TTLL11: variants seen among roughly 807,000 people sequenced by gnomAD.
The protein encoded by TTLL11 is tubulin tyrosine ligase like 11.
A neutral mutation model predicts 51.7 loss-of-function variants in TTLL11; 42 were observed. The ratio of observed to expected loss-of-function variants is 0.81; its 90% CI spans 0.64 to 1.05. The LOEUF (loss-of-function observed/expected upper bound fraction) is 1.05, where lower values mean the gene tolerates loss of function less well. Ranked by LOEUF, TTLL11 falls within the 50% of genes least tolerant of loss-of-function variation. The pLI is 0.00. For synonymous variants in TTLL11, 381 were observed against 383.5 expected (o/e 0.99, Z 0.08); for missense variants, 799 against 940.4 (o/e 0.85, Z 1.97).
intron 6 of TTLL11, among the ~76,000 whole-genome samples, chr9:121,915,658 GA>G (rs1840293757): frequency 1.3e-5 from 2 of 151,898 alleles, no homozygotes; most frequent in Admixed American, 1.3e-4. Flanking sequence ...GTGTGTAAAA[GA>G]ACAAAAAAAT....
chr9:121,935,118 C>CTTT (rs1323468214), intron 6 of TTLL11, among the ~76,000 whole-genome samples: 1 of 131,384 alleles, frequency 7.6e-6, no homozygotes, highest in African/African-American at 3.1e-5. Context: ...CCATGCCCGG[C>CTTT]TATTTTTTTT....
At chr9:122,085,191 C>A (rs1413185623) in intron 1 of TTLL11, among the ~76,000 whole-genome samples, 2 of 152,084 alleles carry the variant, frequency 1.3e-5, no homozygotes, top group Non-Finnish European at 2.9e-5. Flanking sequence ...ACCCAGGAGG[C>A]AGAGGTTGCA....
chr9:121,928,352 T>A (rs1228595576), intron 6 of TTLL11, among the ~76,000 whole-genome samples: 1 of 152,158 alleles, frequency 6.6e-6, no homozygotes, highest in Non-Finnish European at 1.5e-5. Context: ...CACATAACCA[T>A]GAAACCATCA....
chr9:121,888,329 G>A (rs1381957576), intron 6 of TTLL11, among the ~76,000 whole-genome samples: 1 of 152,202 alleles, frequency 6.6e-6, no homozygotes, highest in Non-Finnish European at 1.5e-5. Flanking sequence ...CAAGTTCAAG[G>A]TCCTCATTCT....
At chr9:121,945,454 C>A (rs925270218) in intron 6 of TTLL11, among the ~76,000 whole-genome samples, 5 of 152,174 alleles carry the variant, frequency 3.3e-5, no homozygotes, top group African/African-American at 1.2e-4. Flanking sequence ...GTTCAAGGAG[C>A]CGACCACAAT....
At chr9:122,008,644 C>CA (rs994569765) in intron 3 of TTLL11, among the ~76,000 whole-genome samples, 1 of 152,046 alleles carries the variant, frequency 6.6e-6, no homozygotes, top group African/African-American at 2.4e-5. Flanking sequence ...TTATGGAAAA[C>CA]AAAAAAACTA....
chr9:121,843,913 A>G (rs1837434843), intron 8 of TTLL11, among the ~76,000 whole-genome samples: 1 of 152,096 alleles, frequency 6.6e-6, no homozygotes, highest in South Asian at 2.1e-4. Context: ...AACTCACATG[A>G]TCTTCCTGCC....
Position 121,989,375 on chromosome 9 carries a change from G to C in TTLL11, c.1089C>G (p.Gly363=), listed in dbSNP as rs1240612016. ...NFIHSDSAST[G]SKRTFSSILC... ...GGATGCTGGAAAAAGTCCTTTTGCT[G>C]CCAGTGCTAGCACTGTCCGAGTGGA... Residue 363 remains glycine, a synonymous_variant, in exon 4 of 9, where the codon GGC becomes GGG. Coordinates refer to ENST00000321582, the MANE Select transcript of TTLL11 (RefSeq NM_001139442.2). This position sits in a 1 kb window ranked among gnomAD's most constrained non-coding sequence, Gnocchi z 4.2. 1 of 1,614,182 alleles carries C rather than the reference G, an allele frequency of 6.2e-7. No individual in the cohort carries two copies. The highest frequency in any genetic ancestry group is 1.7e-5 in the Admixed American group (1 of 60,024).
At chr9:121,894,739 G>C (rs2131452939) in intron 6 of TTLL11, among the ~76,000 whole-genome samples, 1 of 152,230 alleles carries the variant, frequency 6.6e-6, no homozygotes, top group South Asian at 2.1e-4. Flanking sequence ...TCACACACCA[G>C]GGCCTGTCGG....
At chr9:122,010,571 A>C (rs144230847) in intron 3 of TTLL11, among the ~76,000 whole-genome samples, 6 of 152,334 alleles carry the variant, frequency 3.9e-5, no homozygotes, top group Non-Finnish European at 7.4e-5. Context: ...TCTGGCTTTT[A>C]CAGGAAGTTT....
intron 4 of TTLL11, among the ~76,000 whole-genome samples, chr9:121,986,496 C>T (rs2131685293): frequency 6.6e-6 from 1 of 152,296 alleles, no homozygotes; most frequent in East Asian, 1.9e-4. Context: ...TTCTCTGGCC[C>T]TACCTCTAAG....
chr9:121,868,197 C>A (rs565758964), intron 7 of TTLL11, among the ~76,000 whole-genome samples: 2 of 152,124 alleles, frequency 1.3e-5, no homozygotes. Context: ...CATAATTCTC[C>A]GGGGCCCCAA....
At chr9:122,013,130 A>T (rs1843863912) in intron 3 of TTLL11, among the ~76,000 whole-genome samples, 1 of 152,178 alleles carries the variant, frequency 6.6e-6, no homozygotes, top group Non-Finnish European at 1.5e-5. Flanking sequence ...ACAGATGAGG[A>T]AATTGAGGCT....
At chr9:121,870,445 C>G in intron 7 of TTLL11, 52 bp downstream of exon 7, 1 of 1,518,506 alleles carries the variant, frequency 6.6e-7, no homozygotes, top group East Asian at 2.5e-5. Context: ...AGATGTGAGA[C>G]TGGACTCCAC....
intron 7 of TTLL11, 62 bp from the exon 8 acceptor site, chr9:121,860,505 T>A: frequency 1.5e-6 from 2 of 1,329,080 alleles, no homozygotes; most frequent in South Asian, 2.6e-5. Context: ...CTATCTCTCC[T>A]CCACTCCTGT....
chr9:121,967,943 A>G (rs1478392479), intron 6 of TTLL11, among the ~76,000 whole-genome samples: 1 of 152,230 alleles, frequency 6.6e-6, no homozygotes, highest in African/African-American at 2.4e-5. Flanking sequence ...CAGGATAGCT[A>G]AATCTGCAGA....
intron 6 of TTLL11, among the ~76,000 whole-genome samples, chr9:121,871,174 A>G (rs1464936184): frequency 1.3e-5 from 2 of 152,216 alleles, no homozygotes; most frequent in Non-Finnish European, 2.9e-5. Flanking sequence ...GCAAAGATGC[A>G]TCAGCTACCG....
chr9:122,004,724 C>A (rs1843586699), intron 3 of TTLL11, among the ~76,000 whole-genome samples: 1 of 152,206 alleles, frequency 6.6e-6, no homozygotes, highest in Non-Finnish European at 1.5e-5. Context: ...ACATATGTCA[C>A]CGTGGATGGA....
intron 4 of TTLL11, among the ~76,000 whole-genome samples, chr9:121,987,233 G>A (rs933606637): frequency 1.3e-5 from 2 of 152,284 alleles, no homozygotes; most frequent in African/African-American, 4.8e-5. Flanking sequence ...CTTGGGTTGG[G>A]AGGAAGGTTT....
Sources: allele counts gnomAD v4.1 joint callset (sites outside exome capture counted in the v4.1 genomes callset), GRCh38; gene constraint gnomAD v4.1.1; non-coding constraint Gnocchi (gnomAD v3.1); transcripts MANE v1.5; gene names NCBI Gene and HGNC (gene_info 2026-07-23, HGNC 2026-07-21).